SHISA6: variants seen among roughly 807,000 people sequenced by gnomAD.
SHISA6 encodes protein shisa-6.
Under a neutral mutation model 47.9 loss-of-function variants are expected in SHISA6, and 22 were observed. The ratio of observed to expected loss-of-function variants is 0.46; its 90% CI spans 0.33 to 0.66. SHISA6 has a LOEUF of 0.66. SHISA6 is among the 30% of genes least tolerant of loss of function. The pLI is 0.02. For synonymous variants in SHISA6, 388 were observed against 337.8 expected (o/e 1.15, Z -1.63); for missense variants, 680 against 764.6 (o/e 0.89, Z 1.30).
intron 2 of SHISA6, among the ~76,000 whole-genome samples, chr17:11,306,520 T>C (rs975086863): frequency 2.0e-5 from 3 of 152,222 alleles, no homozygotes; most frequent in Admixed American, 2.0e-4. Context: ...ATATACTGTG[T>C]CCACTGTATT....
At chr17:11,261,609 A>G (rs949450413) in intron 1 of SHISA6, among the ~76,000 whole-genome samples, 1 of 152,232 alleles carries the variant, frequency 6.6e-6, no homozygotes, top group South Asian at 2.1e-4. Context: ...GATGTTTTCA[A>G]GGTCCATCCA....
chr17:11,387,740 G>A (rs1913243837), intron 3 of SHISA6, among the ~76,000 whole-genome samples: 1 of 152,122 alleles, frequency 6.6e-6, no homozygotes, highest in Admixed American at 6.5e-5. Flanking sequence ...CATTAACGTG[G>A]GAGGCTGAAC....
intron 3 of SHISA6, among the ~76,000 whole-genome samples, chr17:11,528,850 C>T (rs1186408682): frequency 1.3e-5 from 2 of 152,142 alleles, no homozygotes; most frequent in Admixed American, 1.3e-4. Context: ...TTTTGAGATG[C>T]TTTTCCAGTC....
chr17:11,393,879 C>T (rs1326461854), intron 3 of SHISA6, among the ~76,000 whole-genome samples: 1 of 152,208 alleles, frequency 6.6e-6, no homozygotes, highest in Non-Finnish European at 1.5e-5. Context: ...TTTTTAGGGC[C>T]TTTGCACAGG....
intron 1 of SHISA6, among the ~76,000 whole-genome samples, chr17:11,251,742 T>G (rs1907818752): frequency 6.6e-6 from 1 of 152,210 alleles, no homozygotes; most frequent in Non-Finnish European, 1.5e-5. Flanking sequence ...CTGGTGGCTG[T>G]GCTTCGTAAT....
chr17:11,421,946 C>G (rs185566679), intron 3 of SHISA6, among the ~76,000 whole-genome samples: 1 of 152,170 alleles, frequency 6.6e-6, no homozygotes, highest in African/African-American at 2.4e-5. Context: ...TTCAAAGAGG[C>G]TGTCTGAAAC....
At chr17:11,363,453 G>A (rs887567396) in intron 2 of SHISA6, among the ~76,000 whole-genome samples, 1 of 152,046 alleles carries the variant, frequency 6.6e-6, no homozygotes, top group Non-Finnish European at 1.5e-5. Flanking sequence ...TTCCAGATTT[G>A]TTTTCTCAGT....
intron 2 of SHISA6, among the ~76,000 whole-genome samples, chr17:11,350,538 C>G (rs551519705): frequency 6.6e-6 from 1 of 152,168 alleles, no homozygotes. Context: ...CATCAGATAT[C>G]TAATCAAACA....
chr17:11,409,473 A>G (rs1450144311), intron 3 of SHISA6, among the ~76,000 whole-genome samples: 1 of 152,022 alleles, frequency 6.6e-6, no homozygotes, highest in Non-Finnish European at 1.5e-5. Flanking sequence ...TCCCAGGCTG[A>G]GGCGGGCGGA....
chr17:11,278,266 T>G (rs966266065), intron 2 of SHISA6, among the ~76,000 whole-genome samples: 2 of 152,282 alleles, frequency 1.3e-5, no homozygotes, highest in South Asian at 2.1e-4. Flanking sequence ...GGTTCTGATA[T>G]GGAGGCTGCA....
chr17:11,536,435 C>T (rs761757248), intron 3 of SHISA6, among the ~76,000 whole-genome samples: 9 of 152,172 alleles, frequency 5.9e-5, no homozygotes, highest in Non-Finnish European at 8.8e-5. Context: ...TGCACATTCT[C>T]AAAAGAGCAA....
At chr17:11,424,711 A>T (rs556720899) in intron 3 of SHISA6, among the ~76,000 whole-genome samples, 30 of 92,922 alleles carry the variant, frequency 3.2e-4, no homozygotes, top group African/African-American at 1.0e-3. Flanking sequence ...TTTTTAAAAT[A>T]AAAAAAAACA....
chr17:11,263,632 G>C, intron 2 of SHISA6, 106 bp downstream of exon 2: 1 of 1,366,380 alleles, frequency 7.3e-7, no homozygotes, highest in Non-Finnish European at 1.0e-6. Flanking sequence ...TGTGATGAGG[G>C]ACTCTCATGG....
At chr17:11,457,914 T>A (rs1380453606) in intron 3 of SHISA6, among the ~76,000 whole-genome samples, 1 of 151,710 alleles carries the variant, frequency 6.6e-6, no homozygotes, top group Non-Finnish European at 1.5e-5. Flanking sequence ...TAAAACCCCG[T>A]ATCTACTAAA....
At chr17:11,287,152 T>TG (rs1909331513) in intron 2 of SHISA6, among the ~76,000 whole-genome samples, 1 of 151,814 alleles carries the variant, frequency 6.6e-6, no homozygotes, top group African/African-American at 2.4e-5. Flanking sequence ...CCCAGTTACT[T>TG]GGGAGGCTGA....
chr17:11,243,487 A>G (rs908032150), intron 1 of SHISA6, among the ~76,000 whole-genome samples: 2 of 151,916 alleles, frequency 1.3e-5, no homozygotes, highest in Non-Finnish European at 2.9e-5. Context: ...TTCCACTTGC[A>G]CCTCATGTCT....
At chr17:11,398,601 TTG>T (rs112878049) in intron 3 of SHISA6, among the ~76,000 whole-genome samples, 6,988 of 151,984 alleles carry the variant, frequency 0.046, 479 homozygotes, top group African/African-American at 0.15. Context: ...TGTTTTTTTG[TTG>T]TTTTTTTTTT....
chr17:11,246,193 T>TA (rs367667577), intron 1 of SHISA6, among the ~76,000 whole-genome samples: 10,463 of 150,208 alleles, frequency 0.07, 1,165 homozygotes, highest in African/African-American at 0.24. Flanking sequence ...TTCTTTGAGT[T>TA]AAAAAAAAAA....
chr17:11,305,072 T>G (rs1299913955), intron 2 of SHISA6, among the ~76,000 whole-genome samples: 1 of 152,234 alleles, frequency 6.6e-6, no homozygotes, highest in Non-Finnish European at 1.5e-5. Flanking sequence ...CACTTCTTCA[T>G]GCGTCACATC....
Sources: allele counts gnomAD v4.1 joint callset (sites outside exome capture counted in the v4.1 genomes callset), GRCh38; gene constraint gnomAD v4.1.1; transcripts MANE v1.5; gene names NCBI Gene and HGNC (gene_info 2026-07-23, HGNC 2026-07-21).